AP3S2: variants seen among roughly 807,000 people sequenced by gnomAD.
The protein encoded by AP3S2 is AP-3 complex subunit sigma-2.
AP3S2 carries 22 observed loss-of-function variants against 23.4 expected under a neutral mutation model. The observed-to-expected ratio is 0.94, with a 90% CI of 0.67 to 1.34. The LOEUF is 1.34. Ranked by LOEUF, AP3S2 falls within the 40% of genes most tolerant of loss-of-function variation. AP3S2 has a pLI of 0.00. For synonymous variants in AP3S2, 86 were observed against 87.1 expected, an observed-to-expected ratio of 0.99 and a Z score of 0.07; for missense variants, 241 against 236.9, an observed-to-expected ratio of 1.02 and a Z score of -0.11.
intron 4 of AP3S2, among the ~76,000 whole-genome samples, chr15:89,866,305 G>A (rs1428733021): frequency 1.4e-5 from 2 of 145,674 alleles, no homozygotes; most frequent in Non-Finnish European, 3.0e-5. Flanking sequence ...TATACTCCAC[G>A]TTGCCTAGAC....
chr15:89,869,757 TG>T (rs959680124), intron 4 of AP3S2, among the ~76,000 whole-genome samples: 10 of 151,634 alleles, frequency 6.6e-5, no homozygotes, highest in Admixed American at 2.6e-4. Context: ...ACAATTTGGT[TG>T]TTTTTTTTTT....
chr15:89,868,389 T>G (rs113081515), intron 4 of AP3S2, among the ~76,000 whole-genome samples: 8 of 19,364 alleles, frequency 4.1e-4, no homozygotes, highest in Admixed American at 8.7e-4. Flanking sequence ...GGGAGGGAGG[T>G]GGGGGGGTCA....
rs371052158 is a variant in AP3S2 at position 89,867,435 on chromosome 15, C to T, written c.345+4040G>A. On this transcript the variant is annotated intron_variant, in intron 4 of 5. Coordinates refer to ENST00000336418, the MANE Select transcript of AP3S2 (RefSeq NM_005829.5). The stretch of plus-strand genomic sequence containing the variant: ...TTGCAGCCTCTGCCCGGCCGCCACC[C>T]GGTCTGGGAAGTGAGGAGTGTCTCT... 6.0e-4 allele frequency among the ~76,000 whole-genome samples: 91 copies of T among 151,166 alleles called. 1 individual carries two copies. The highest frequency in any genetic ancestry group is 5.3e-3 in the Admixed American group (80 of 15,210).
intron 3 of AP3S2, among the ~76,000 whole-genome samples, chr15:89,882,180 C>G (rs1219155884): frequency 1.3e-5 from 2 of 151,994 alleles, no homozygotes. Flanking sequence ...AATATTAATT[C>G]CCTTTGATCC....
intron 4 of AP3S2, among the ~76,000 whole-genome samples, chr15:89,861,568 C>T (rs1896009779): frequency 6.6e-6 from 1 of 152,140 alleles, no homozygotes; most frequent in South Asian, 2.1e-4. Flanking sequence ...GTACCCTAGG[C>T]TCTAAATGGC....
intron 4 of AP3S2, among the ~76,000 whole-genome samples, chr15:89,864,190 C>A (rs1896066772): frequency 6.6e-6 from 1 of 152,172 alleles, no homozygotes; most frequent in African/African-American, 2.4e-5. Flanking sequence ...TGAGGAAGAA[C>A]AACATTTTTA....
At chr15:89,888,794 T>A (rs573591868) in intron 2 of AP3S2, 162 bp from the exon 3 acceptor site, 25 of 861,732 alleles carry the variant, frequency 2.9e-5, no homozygotes, top group South Asian at 1.8e-5. Flanking sequence ...TTGGCAGAGG[T>A]ACCTAAAGCC....
chr15:89,879,233 T>C (rs1187499816), intron 3 of AP3S2, among the ~76,000 whole-genome samples: 1 of 152,242 alleles, frequency 6.6e-6, no homozygotes, highest in Non-Finnish European at 1.5e-5. Context: ...ACAGATACAT[T>C]CTTATTACAT....
chr15:89,871,067 A>C (rs1224204068), intron 4 of AP3S2, among the ~76,000 whole-genome samples: 1 of 152,172 alleles, frequency 6.6e-6, no homozygotes, highest in African/African-American at 2.4e-5. Context: ...AAAGATATAA[A>C]TTTTACTATC....
intron 4 of AP3S2, among the ~76,000 whole-genome samples, chr15:89,861,986 T>A (rs1056089944): frequency 6.6e-5 from 10 of 152,042 alleles, no homozygotes; most frequent in African/African-American, 1.9e-4. Flanking sequence ...ACAAAATAAG[T>A]AGGAGTGGTC....
At chr15:89,893,547 A>G (rs1896867746) in intron 1 of AP3S2, 1 of 402,446 alleles carries the variant, frequency 2.5e-6, no homozygotes. Context: ...AAAAGATGAC[A>G]GAATGTGACT....
chr15:89,872,584 C>T (rs1293364541), intron 3 of AP3S2, among the ~76,000 whole-genome samples: 1 of 152,182 alleles, frequency 6.6e-6, no homozygotes, highest in Non-Finnish European at 1.5e-5. Flanking sequence ...TCAGCAGTGT[C>T]ATGAATTGTT....
chr15:89,871,330 TC>T, intron 4 of AP3S2, 144 bp downstream of exon 4: 1 of 693,108 alleles, frequency 1.4e-6, no homozygotes, highest in Non-Finnish European at 2.2e-6. Flanking sequence ...AACTATTAAA[TC>T]TATTAAATAA....
chr15:89,868,419 G>A (rs1365812355), intron 4 of AP3S2, among the ~76,000 whole-genome samples: 6 of 60,656 alleles, frequency 9.9e-5, no homozygotes, highest in African/African-American at 3.2e-4. Flanking sequence ...CCGGCCAGCC[G>A]CCCCGTCTGG....
chr15:89,858,073 A>G (rs1044540482), intron 4 of AP3S2, among the ~76,000 whole-genome samples: 1 of 152,190 alleles, frequency 6.6e-6, no homozygotes, highest in African/African-American at 2.4e-5. Context: ...ATTTTGGAGT[A>G]ATGCATTACC....
chr15:89,874,666 CA>C (rs570021101), intron 3 of AP3S2, among the ~76,000 whole-genome samples: 1 of 152,280 alleles, frequency 6.6e-6, no homozygotes, highest in South Asian at 2.1e-4. Context: ...CCTGTAGTCC[CA>C]GCTACTTGGA....
At chr15:89,872,759 C>A (rs1422833892) in intron 3 of AP3S2, among the ~76,000 whole-genome samples, 3 of 152,202 alleles carry the variant, frequency 2.0e-5, no homozygotes, top group Admixed American at 6.5e-5. Flanking sequence ...ACTATTGGAG[C>A]TGATCCTGCT....
intron 4 of AP3S2, among the ~76,000 whole-genome samples, chr15:89,870,713 A>G (rs1291743961): frequency 6.6e-6 from 1 of 152,158 alleles, no homozygotes; most frequent in Non-Finnish European, 1.5e-5. Context: ...AGTCTCCTAA[A>G]AAATCATCTC....
intron 3 of AP3S2, among the ~76,000 whole-genome samples, chr15:89,874,235 G>C (rs537291562): frequency 3.3e-5 from 5 of 151,396 alleles, no homozygotes; most frequent in Non-Finnish European, 7.4e-5. Flanking sequence ...GAGGTTTTCC[G>C]CAGATGTCTG....
Sources: gnomAD v4.1 joint callset for allele counts (sites outside exome capture counted in the v4.1 genomes callset) on GRCh38, gnomAD v4.1.1 for gene constraint, MANE v1.5 for transcripts, NCBI Gene and HGNC (gene_info 2026-07-23, HGNC 2026-07-21) for gene names.